The following EPHB1 variants were observed in gnomAD, a reference collection of about 807,000 sequenced individuals.
The protein encoded by EPHB1 is EPH receptor B1.
EPHB1 carries 30 observed loss-of-function variants against 94.4 expected under a neutral mutation model. The ratio of observed to expected loss-of-function variants is 0.32; its 90% CI spans 0.24 to 0.43. The LOEUF (loss-of-function observed/expected upper bound fraction) is 0.43, where lower values mean the gene tolerates loss of function less well. Ranked by LOEUF, EPHB1 falls within the 20% of genes least tolerant of loss-of-function variation. The pLI is 1.00. For missense variants in EPHB1, 1,055 were observed against 1,308.3 expected (o/e 0.81, Z 2.99); for synonymous variants, 522 against 489.1 (o/e 1.07, Z -0.89).
intron 2 of EPHB1, among the ~76,000 whole-genome samples, chr3:134,932,662 A>G (rs958418211): frequency 1.3e-5 from 2 of 152,226 alleles, no homozygotes; most frequent in African/African-American, 4.8e-5. Context: ...CAATATCAGT[A>G]AAAAGTTTTC....
chr3:135,126,481 G>A (rs1273039860), intron 4 of EPHB1, among the ~76,000 whole-genome samples: 1 of 152,144 alleles, frequency 6.6e-6, no homozygotes, highest in South Asian at 2.1e-4. Context: ...GCTACCTCTA[G>A]GGAGGCCAGG....
intron 3 of EPHB1, among the ~76,000 whole-genome samples, chr3:135,046,691 G>T (rs62273113): frequency 6.6e-6 from 1 of 152,138 alleles, no homozygotes; most frequent in Non-Finnish European, 1.5e-5. Flanking sequence ...GGGTGGGGCC[G>T]AGCAATCTGT....
At chr3:134,938,708 A>G (rs538556620) in intron 2 of EPHB1, among the ~76,000 whole-genome samples, 1 of 152,220 alleles carries the variant, frequency 6.6e-6, no homozygotes, top group Non-Finnish European at 1.5e-5. Context: ...GCTATTCATG[A>G]TAACTGGCTC....
Position 135,259,079 on chromosome 3 carries a change from ATGAGGGTCCAGAT to A in EPHB1, c.2915_2927del (p.Met972LysfsTer45). The A allele has an allele frequency of 6.2e-7, 1 of 1,610,686 alleles. No individual in the cohort carries two copies. The highest frequency in any genetic ancestry group is 1.1e-5 in the South Asian group (1 of 89,702). On this transcript the variant is annotated frameshift_variant, in exon 16 of 16. Transcript: ENST00000398015. LOFTEE classifies it high-confidence loss of function. ...GAAGATCCTGAACAGCATTCATTCT[ATGAGGGTCCAGAT>A]AAGTCAGTCACCAACGGCAATGGCA...
intron 1 of EPHB1, among the ~76,000 whole-genome samples, chr3:134,906,678 C>T (rs780156331): frequency 2.6e-5 from 4 of 152,194 alleles, no homozygotes; most frequent in Non-Finnish European, 5.9e-5. Flanking sequence ...GCTCCCAAAG[C>T]CTAACATATG....
At chr3:135,025,158 C>CTT (rs1350851400) in intron 3 of EPHB1, among the ~76,000 whole-genome samples, 1 of 66,586 alleles carries the variant, frequency 1.5e-5, no homozygotes, top group African/African-American at 5.7e-5. Flanking sequence ...TCCCTCCTTC[C>CTT]TTCTTTCTTT....
chr3:135,193,623 G>A (rs1269160009), intron 11 of EPHB1, among the ~76,000 whole-genome samples: 7 of 152,214 alleles, frequency 4.6e-5, no homozygotes, highest in Admixed American at 3.3e-4. Context: ...AGAATGGGCA[G>A]AGCCTTCTGA....
intron 3 of EPHB1, among the ~76,000 whole-genome samples, chr3:135,005,809 G>C (rs1935384398): frequency 6.6e-6 from 1 of 152,248 alleles, no homozygotes; most frequent in South Asian, 2.1e-4. Context: ...GCCTTGCCCT[G>C]CTTCGGCTCG....
At chr3:134,933,406 C>A (rs58193970) in intron 2 of EPHB1, among the ~76,000 whole-genome samples, 11,940 of 152,138 alleles carry the variant, frequency 0.078, 512 homozygotes, top group African/African-American at 0.1. Context: ...CTGGACCATC[C>A]CCTGGGGAGG....
At chr3:134,798,518 G>A (rs1315335750) in intron 1 of EPHB1, among the ~76,000 whole-genome samples, 1 of 152,174 alleles carries the variant, frequency 6.6e-6, no homozygotes, top group East Asian at 1.9e-4. Flanking sequence ...GTTCTGCTCT[G>A]TGAGGAGAGA....
intron 3 of EPHB1, among the ~76,000 whole-genome samples, chr3:135,052,937 A>ATAG (rs1937220199): frequency 9.9e-6 from 1 of 101,250 alleles, no homozygotes; most frequent in African/African-American, 4.8e-5. Context: ...GTGTGTATAT[A>ATAG]TGTGTGTATA....
intron 3 of EPHB1, among the ~76,000 whole-genome samples, chr3:134,984,391 TG>T (rs1256010035): frequency 1.3e-5 from 2 of 152,074 alleles, no homozygotes; most frequent in Non-Finnish European, 2.9e-5. Context: ...GAAGTCTGGA[TG>T]GGATGGGGCT....
chr3:135,073,445 C>G (rs1937794157), intron 3 of EPHB1, among the ~76,000 whole-genome samples: 1 of 152,134 alleles, frequency 6.6e-6, no homozygotes, highest in African/African-American at 2.4e-5. Flanking sequence ...ATTGTCAAAC[C>G]AAGACCAATC....
intron 3 of EPHB1, among the ~76,000 whole-genome samples, chr3:135,052,305 A>G (rs1220159122): frequency 6.6e-6 from 1 of 152,196 alleles, no homozygotes. Flanking sequence ...TGGAAAATTG[A>G]TCAGAATGAT....
intron 12 of EPHB1, among the ~76,000 whole-genome samples, chr3:135,237,469 A>AC (rs993006934): frequency 1.4e-4 from 22 of 151,972 alleles, no homozygotes; most frequent in African/African-American, 5.3e-4. Flanking sequence ...GGGAACTCAG[A>AC]CCCCTAATGA....
intron 3 of EPHB1, among the ~76,000 whole-genome samples, chr3:135,101,719 T>C (rs555977043): frequency 1.3e-5 from 2 of 152,254 alleles, no homozygotes; most frequent in East Asian, 3.9e-4. Context: ...AAGCATGAAT[T>C]CTATGAGAAA....
chr3:135,201,321 A>G (rs1313210866), intron 11 of EPHB1, among the ~76,000 whole-genome samples, 153 bp from the exon 12 acceptor site: 3 of 151,524 alleles, frequency 2.0e-5, no homozygotes, highest in Non-Finnish European at 4.4e-5. Context: ...CAAGGAGAAG[A>G]ATGGGGGATG....
intron 3 of EPHB1, among the ~76,000 whole-genome samples, chr3:135,048,041 A>G (rs929451004): frequency 6.6e-5 from 10 of 152,086 alleles, no homozygotes; most frequent in Non-Finnish European, 1.2e-4. Flanking sequence ...CACACTGGCA[A>G]GATGGGCAGT....
At chr3:134,885,590 A>G (rs73217018) in intron 1 of EPHB1, among the ~76,000 whole-genome samples, 9,398 of 152,290 alleles carry the variant, frequency 0.062, 325 homozygotes, top group South Asian at 0.15. Flanking sequence ...CTGTAGCTGT[A>G]TAACTCCCTA....
Sources: allele counts gnomAD v4.1 joint callset (sites outside exome capture counted in the v4.1 genomes callset), GRCh38; gene constraint gnomAD v4.1.1; transcripts MANE v1.5; gene names NCBI Gene and HGNC (gene_info 2026-07-23, HGNC 2026-07-21).